The following GRIP1 variants were observed in gnomAD, a reference collection of about 807,000 sequenced individuals.
GRIP1 encodes the protein glutamate receptor-interacting protein 1.
GRIP1 carries 45 observed loss-of-function variants against 129.9 expected under a neutral mutation model. That is an observed-to-expected ratio of 0.35 (90% CI 0.27 to 0.44). GRIP1 has a LOEUF of 0.44. Among genes scored for constraint, GRIP1 ranks in the 20% least tolerant of loss-of-function variants. The probability of loss-of-function intolerance (pLI) is 1.00; values close to 1 mark genes in which losing one functional copy is unlikely to be tolerated. For synonymous variants in GRIP1, 530 were observed against 520.8 expected, an observed-to-expected ratio of 1.02 and a Z score of -0.24; for missense variants, 1,196 against 1,396.8, an observed-to-expected ratio of 0.86 and a Z score of 2.29.
At chr12:66,629,901 G>C (rs1374334865) in intron 1 of GRIP1, among the ~76,000 whole-genome samples, 2 of 152,066 alleles carry the variant, frequency 1.3e-5, no homozygotes, top group East Asian at 3.8e-4. Flanking sequence ...GCCAGTTTTG[G>C]TTCTTGTTGT....
intron 16 of GRIP1, among the ~76,000 whole-genome samples, chr12:66,397,889 AAAAG>A (rs1170913828): frequency 2.0e-5 from 3 of 152,234 alleles, no homozygotes; most frequent in Admixed American, 6.5e-5. Flanking sequence ...AAGCCTTTGA[AAAAG>A]AAAATAATAT....
chr12:66,823,459 G>T (rs1292461292), intron 1 of GRIP1, among the ~76,000 whole-genome samples: 3 of 152,008 alleles, frequency 2.0e-5, no homozygotes, highest in Non-Finnish European at 4.4e-5. Flanking sequence ...ACATTTTCAT[G>T]ATAAAAATGA....
intron 1 of GRIP1, among the ~76,000 whole-genome samples, chr12:66,851,260 C>T (rs560093206): frequency 6.6e-6 from 1 of 151,788 alleles, no homozygotes; most frequent in African/African-American, 2.4e-5. Flanking sequence ...AACACCATTA[C>T]CTCCTACACA....
chr12:66,595,809 G>A (rs2064027366), intron 2 of GRIP1, among the ~76,000 whole-genome samples: 1 of 152,130 alleles, frequency 6.6e-6, no homozygotes, highest in African/African-American at 2.4e-5. Context: ...AAATGAATCT[G>A]AGCCTTTGGA....
chr12:67,010,752 A>C (rs2042694137), intron 1 of GRIP1, among the ~76,000 whole-genome samples: 1 of 152,116 alleles, frequency 6.6e-6, no homozygotes, highest in Admixed American at 6.6e-5. Context: ...ACCGAGCCCC[A>C]CACCACAGGT....
intron 1 of GRIP1, among the ~76,000 whole-genome samples, chr12:66,703,791 T>C (rs1186244618): frequency 6.6e-6 from 1 of 152,048 alleles, no homozygotes; most frequent in African/African-American, 2.4e-5. Flanking sequence ...TGGGTGACAT[T>C]ATGCCTACTA....
intron 2 of GRIP1, among the ~76,000 whole-genome samples, chr12:66,580,692 C>T (rs1264165470): frequency 2.0e-5 from 3 of 150,442 alleles, no homozygotes; most frequent in Non-Finnish European, 4.4e-5. Context: ...GGGATCAATT[C>T]AACAAGAAGA....
At chr12:66,469,346 A>G (rs10506483) in intron 7 of GRIP1, among the ~76,000 whole-genome samples, 41,579 of 152,048 alleles carry the variant, frequency 0.27, 6,748 homozygotes, top group African/African-American at 0.45. Context: ...TTATGAAAAT[A>G]TACAGTAGCT....
intron 2 of GRIP1, among the ~76,000 whole-genome samples, chr12:66,591,595 C>T (rs2139714229): frequency 6.6e-6 from 1 of 152,202 alleles, no homozygotes; most frequent in Non-Finnish European, 1.5e-5. Context: ...ACTTTGGTTT[C>T]TCATCCCTGA....
At chr12:66,780,475 A>G (rs2038122294) in intron 1 of GRIP1, among the ~76,000 whole-genome samples, 1 of 152,202 alleles carries the variant, frequency 6.6e-6, no homozygotes, top group East Asian at 1.9e-4. Context: ...GCTCCCTTCC[A>G]GGACAGGACC....
chr12:66,394,521 T>C (rs764595024), intron 16 of GRIP1, among the ~76,000 whole-genome samples, 169 bp from the exon 17 acceptor site: 9 of 152,228 alleles, frequency 5.9e-5, no homozygotes, highest in African/African-American at 1.2e-4. Context: ...TACATTCAAA[T>C]ACAGGGATAT....
intron 2 of GRIP1, among the ~76,000 whole-genome samples, chr12:66,561,014 T>C (rs550561883): frequency 6.6e-6 from 1 of 152,104 alleles, no homozygotes; most frequent in Non-Finnish European, 1.5e-5. Flanking sequence ...TAAAAAAGAA[T>C]GAGATCCTGT....
intron 7 of GRIP1, among the ~76,000 whole-genome samples, chr12:66,485,448 C>T (rs2059927582): frequency 6.6e-6 from 1 of 150,970 alleles, no homozygotes; most frequent in Non-Finnish European, 1.5e-5. Flanking sequence ...GTTTTAAAAA[C>T]TAAAAAATAA....
At chr12:66,645,983 G>A (rs1353669364) in intron 1 of GRIP1, among the ~76,000 whole-genome samples, 1 of 152,150 alleles carries the variant, frequency 6.6e-6, no homozygotes, top group Non-Finnish European at 1.5e-5. Context: ...TAAAGGATAT[G>A]CTGTTCAGTA....
At chr12:66,752,678 C>T (rs1388358305) in intron 1 of GRIP1, among the ~76,000 whole-genome samples, 1 of 152,118 alleles carries the variant, frequency 6.6e-6, no homozygotes, top group Non-Finnish European at 1.5e-5. Context: ...TGCTTACCTA[C>T]ACCTATTTAA....
chr12:66,626,664 A>G (rs2030092129), intron 1 of GRIP1: 1 of 152,556 alleles, frequency 6.6e-6, no homozygotes, highest in Non-Finnish European at 1.5e-5. Context: ...TTCTGTTCCC[A>G]TCCCCAGTAA....
intron 1 of GRIP1, among the ~76,000 whole-genome samples, chr12:66,873,106 A>C (rs942589758): frequency 2.6e-5 from 4 of 152,070 alleles, no homozygotes; most frequent in African/African-American, 4.8e-5. Flanking sequence ...TGGTGGCCTC[A>C]AGGCAATCAG....
intron 1 of GRIP1, among the ~76,000 whole-genome samples, chr12:67,025,332 C>G (rs2135756560): frequency 6.6e-6 from 1 of 152,080 alleles, no homozygotes; most frequent in East Asian, 1.9e-4. Flanking sequence ...CAGAGCGAGA[C>G]TCTGTCTCAA....
At chr12:67,041,164 TCTC>T (rs1348480840) in intron 1 of GRIP1, among the ~76,000 whole-genome samples, 1 of 152,126 alleles carries the variant, frequency 6.6e-6, no homozygotes, top group East Asian at 1.9e-4. Context: ...TTTCTCTCTC[TCTC>T]TCTATATGTA....
Sources: gnomAD v4.1 joint callset for allele counts (sites outside exome capture counted in the v4.1 genomes callset) on GRCh38, gnomAD v4.1.1 for gene constraint, MANE v1.5 for transcripts, NCBI Gene and HGNC (gene_info 2026-07-23, HGNC 2026-07-21) for gene names.